The following GALNTL5 variants were observed in gnomAD, a reference collection of about 807,000 sequenced individuals.
GALNTL5 encodes the protein polypeptide N-acetylgalactosaminyltransferase like 5, also known as inactive polypeptide N-acetylgalactosaminyltransferase-like protein 5.
Under a neutral mutation model 51.0 loss-of-function variants are expected in GALNTL5, and 44 were observed. The ratio of observed to expected loss-of-function variants is 0.86; its 90% CI spans 0.68 to 1.11. GALNTL5 has a LOEUF of 1.11. GALNTL5 is among the 50% of genes least tolerant of loss of function. The pLI, the probability that GALNTL5 is intolerant of heterozygous loss-of-function variation, is 0.00. For synonymous variants in GALNTL5, 192 were observed against 182.8 expected (o/e 1.05, Z -0.41); for missense variants, 528 against 531.8 (o/e 0.99, Z 0.07).
chr7:151,974,550 G>GC (rs2081185071), intron 3 of GALNTL5, among the ~76,000 whole-genome samples: 1 of 152,200 alleles, frequency 6.6e-6, no homozygotes, highest in Admixed American at 6.5e-5. Context: ...CACTCATGAT[G>GC]TGGTACACTC....
At chr7:151,998,402 A>G (rs1436271423) in intron 5 of GALNTL5, among the ~76,000 whole-genome samples, 6 of 152,230 alleles carry the variant, frequency 3.9e-5, no homozygotes, top group African/African-American at 1.4e-4. Flanking sequence ...ATTAAATAAC[A>G]GTAGGCTGGG....
At chr7:151,980,889 G>C (rs1038181380) in intron 3 of GALNTL5, among the ~76,000 whole-genome samples, 5 of 148,454 alleles carry the variant, frequency 3.4e-5, no homozygotes, top group Admixed American at 3.3e-4. Flanking sequence ...GGGACTACAG[G>C]CACCCGCCAC....
At chr7:151,973,180 G>A in intron 3 of GALNTL5, among the ~76,000 whole-genome samples, 1 of 152,078 alleles carries the variant, frequency 6.6e-6, no homozygotes, top group Non-Finnish European at 1.5e-5. Flanking sequence ...TTAGGGGCCA[G>A]GCACTGTGGC....
chr7:151,983,043 C>G lies in GALNTL5; in HGVS notation c.426C>G (p.Phe142Leu), dbSNP rs777473316. The G allele has an allele frequency of 6.2e-7, 1 of 1,614,140 alleles. No individual in the cohort carries two copies. Among genetic ancestry groups the G allele is most frequent in the South Asian group, 1.1e-5 (1 of 91,076 alleles). The change falls in exon 4 of 9, where the codon TTC (phenylalanine) becomes TTG (leucine). Residue 142 changes from phenylalanine (F) to leucine (L), a missense_variant. Coordinates refer to ENST00000392800, the MANE Select transcript of GALNTL5 (RefSeq NM_145292.4). ...CGACTGCCAGCATTGTCATTTGCTT[C>G]TATAATGAAGAATGTAATGCCTTGT... ...RLPTASIVICFYNEECNALFQ... is the reference protein window; with the variant it reads ...RLPTASIVICLYNEECNALFQ...
chr7:152,002,647 C>A lies in GALNTL5; in HGVS notation c.659-67C>A, dbSNP rs967069356. On this transcript the variant is annotated intron_variant, in intron 5 of 8. Coordinates refer to ENST00000392800, the MANE Select transcript of GALNTL5 (RefSeq NM_145292.4). ...CTCAAGAAATATTCATCACATTGAA[C>A]TTTGATTTGGATTGCCGTATTTTTT... The A allele has an allele frequency of 9.7e-6, 15 of 1,550,284 alleles. No individual in the cohort carries two copies. In the East Asian group the frequency reaches 1.6e-4, roughly 16 times the overall value.
intron 3 of GALNTL5, among the ~76,000 whole-genome samples, chr7:151,972,500 A>G (rs2081157296): frequency 8.4e-6 from 1 of 118,464 alleles, no homozygotes; most frequent in African/African-American, 3.1e-5. Flanking sequence ...AGGGCATTTC[A>G]GAGACCATGG....
At chr7:151,985,146 C>A (rs1341735571) in intron 4 of GALNTL5, among the ~76,000 whole-genome samples, 1 of 152,164 alleles carries the variant, frequency 6.6e-6, no homozygotes, top group Non-Finnish European at 1.5e-5. Flanking sequence ...GCTCCATCAC[C>A]CAGTTATGCC....
At chr7:151,996,491 G>A (rs932607874) in intron 5 of GALNTL5, among the ~76,000 whole-genome samples, 12 of 152,274 alleles carry the variant, frequency 7.9e-5, no homozygotes, top group Admixed American at 1.3e-4. Flanking sequence ...TGTAATCCCA[G>A]TGCTTTGGGA....
chr7:151,996,979 T>A (rs892003331), intron 5 of GALNTL5, among the ~76,000 whole-genome samples: 2 of 150,738 alleles, frequency 1.3e-5, no homozygotes, highest in Admixed American at 6.7e-5. Flanking sequence ...TACTGTGAAA[T>A]TGATACATAC....
At chr7:151,996,203 T>C (rs7800369) in intron 5 of GALNTL5, among the ~76,000 whole-genome samples, 37,505 of 151,890 alleles carry the variant, frequency 0.25, 4,796 homozygotes, top group Middle Eastern at 0.33. Context: ...TCTTTTTTTT[T>C]AATTTTATTT....
intron 7 of GALNTL5, among the ~76,000 whole-genome samples, chr7:152,008,309 G>A (rs1322784077): frequency 2.0e-5 from 3 of 149,550 alleles, no homozygotes; most frequent in African/African-American, 4.9e-5. Context: ...TTGAACTCCT[G>A]AGCTCAAGTA....
At position 152,004,335 on chromosome 7, in the gene GALNTL5, A is replaced by T. The variant is rs1355523001; in HGVS notation, c.908+1372A>T. On this transcript the variant is annotated intron_variant, in intron 6 of 8. Transcript: ENST00000392800. Reference sequence around the variant, plus strand: ...GTACCTATTATATGTAATATATATTATACATATTACATATATTATAATTGT... The same window carrying T: ...GTACCTATTATATGTAATATATATTTTACATATTACATATATTATAATTGT... Among the ~76,000 whole-genome samples, 5 of 150,196 alleles carry T rather than the reference A, an allele frequency of 3.3e-5. No homozygotes were observed. The Admixed American group carries it at 3.3e-4, about 10-fold the overall frequency.
intron 7 of GALNTL5, among the ~76,000 whole-genome samples, chr7:152,011,639 T>C (rs1404343466): frequency 6.6e-6 from 1 of 152,220 alleles, no homozygotes; most frequent in South Asian, 2.1e-4. Context: ...CTAAATCTCC[T>C]TGGATGCTCT....
chr7:151,996,179 T>TTTGC (rs1472358145), intron 5 of GALNTL5, among the ~76,000 whole-genome samples: 1 of 152,082 alleles, frequency 6.6e-6, no homozygotes, highest in Non-Finnish European at 1.5e-5. Flanking sequence ...TGACACAGAT[T>TTTGC]TTGCACACCA....
At chr7:152,005,490 G>A (rs1016724624) in intron 6 of GALNTL5, among the ~76,000 whole-genome samples, 4 of 152,184 alleles carry the variant, frequency 2.6e-5, no homozygotes, top group African/African-American at 9.7e-5. Context: ...CATGAGTGGA[G>A]CAGGTTTTTG....
chr7:151,979,086 C>G (rs1156892268), intron 3 of GALNTL5, among the ~76,000 whole-genome samples: 1 of 150,374 alleles, frequency 6.7e-6, no homozygotes, highest in Admixed American at 6.7e-5. Flanking sequence ...CAACCAAAGG[C>G]CATCCAAATT....
intron 2 of GALNTL5, among the ~76,000 whole-genome samples, chr7:151,969,971 T>TA (rs1458655108): frequency 5.1e-5 from 5 of 97,598 alleles, no homozygotes; most frequent in South Asian, 3.3e-4. Flanking sequence ...CACGCCTGGC[T>TA]ATTTTTTTTT....
chr7:152,002,908 G>T lies in GALNTL5; in HGVS notation c.853G>T (p.Asp285Tyr). ...TFDWNLQFKW[D>Y]NVFSYEMDGP... is the part of the protein sequence containing the mutation. ...TGATTGGAACCTACAATTTAAATGGGATAATGTTTTCTCTTATGAGATGGA... is the reference window on the plus strand; with the variant it reads ...TGATTGGAACCTACAATTTAAATGGTATAATGTTTTCTCTTATGAGATGGA... Residue 285 changes from aspartate to tyrosine, a missense_variant, in exon 6 of 9, where the codon GAT becomes TAT. Physicochemically the swap from Asp to Tyr is radical, Grantham distance 160 (BLOSUM62 -3). Coordinates refer to ENST00000392800, the MANE Select transcript of GALNTL5 (RefSeq NM_145292.4). 6.2e-7 allele frequency: 1 copy of T among 1,613,822 alleles called. No homozygotes were observed. The highest frequency in any genetic ancestry group is 8.5e-7 in the Non-Finnish European group (1 of 1,179,746).
rs1042299341 is a variant in GALNTL5 at position 151,996,786 on chromosome 7, C to T, written c.659-5928C>T. Among the ~76,000 whole-genome samples, 7 of 129,296 alleles carry T rather than the reference C, an allele frequency of 5.4e-5. No individual in the cohort carries two copies. The East Asian group carries it at 8.4e-4, about 15-fold the overall frequency. The allele number at this position is 129,296 out of a possible 152,430, so 84.8% of individuals were successfully genotyped here. A position where few individuals can be genotyped will look rare whatever the true frequency, so the allele number is the denominator to read the frequency against. On this transcript the variant is annotated intron_variant, in intron 5 of 8. Coordinates refer to ENST00000392800, the MANE Select transcript of GALNTL5 (RefSeq NM_145292.4). Reference sequence around the variant, plus strand: ...AAAACAAGATACAGCAATAACATAACGTGTAGGTAAAAAAAAAAGAAAAAA... The same window carrying T: ...AAAACAAGATACAGCAATAACATAATGTGTAGGTAAAAAAAAAAGAAAAAA...
Sources: gnomAD v4.1 joint callset for allele counts (sites outside exome capture counted in the v4.1 genomes callset) on GRCh38, gnomAD v4.1.1 for gene constraint, MANE v1.5 for transcripts, NCBI Gene and HGNC (gene_info 2026-07-23, HGNC 2026-07-21) for gene names.